Variants in HPSE2 observed in about 807,000 individuals in gnomAD.
HPSE2 encodes the protein heparanase 2 (inactive).
A neutral mutation model predicts 60.5 loss-of-function variants in HPSE2; 38 were observed. The observed-to-expected ratio is 0.63, with a 90% CI of 0.48 to 0.82. HPSE2 has a LOEUF of 0.82. Ranked by LOEUF, HPSE2 falls within the 40% of genes least tolerant of loss-of-function variation. HPSE2 has a pLI of 0.00. For synonymous variants in HPSE2, 295 were observed against 293.2 expected (o/e 1.01, Z -0.06); for missense variants, 713 against 740.4 (o/e 0.96, Z 0.43).
At chr10:99,102,468 T>G (rs1246005994) in intron 3 of HPSE2, among the ~76,000 whole-genome samples, 1 of 151,902 alleles carries the variant, frequency 6.6e-6, no homozygotes, top group Non-Finnish European at 1.5e-5. Context: ...AATAACAGGC[T>G]CTGAAATTGA....
intron 9 of HPSE2, among the ~76,000 whole-genome samples, chr10:98,602,890 T>C (rs1174159255): frequency 1.3e-5 from 2 of 152,080 alleles, no homozygotes; most frequent in Non-Finnish European, 2.9e-5. Flanking sequence ...TTTGTGGCCT[T>C]GAATTGAACA....
At chr10:98,727,677 AAC>A (rs1300996714) in intron 4 of HPSE2, among the ~76,000 whole-genome samples, 6 of 142,398 alleles carry the variant, frequency 4.2e-5, no homozygotes, top group Non-Finnish European at 7.8e-5. Context: ...AAACAACAAC[AAC>A]AAAAAAAAAC....
chr10:98,944,685 AGG>A (rs1830880531), intron 3 of HPSE2, among the ~76,000 whole-genome samples: 1 of 152,196 alleles, frequency 6.6e-6, no homozygotes, highest in South Asian at 2.1e-4. Flanking sequence ...CCATTCCTCA[AGG>A]GACCCACTAA....
intron 5 of HPSE2, among the ~76,000 whole-genome samples, chr10:98,710,165 T>G (rs1246639487): frequency 1.3e-5 from 2 of 152,124 alleles, no homozygotes; most frequent in Non-Finnish European, 2.9e-5. Flanking sequence ...CCACTTACTT[T>G]TTCATGGTTA....
rs544818650 is a variant in HPSE2, at chr10:98,848,682, C to T, written c.611-104626G>A. Among the ~76,000 whole-genome samples the T allele has an allele frequency of 3.9e-5, 6 of 152,248 alleles. No individual in the cohort carries two copies. In the South Asian group the frequency reaches 1.0e-3, roughly 26 times the overall value. ...GAAATGAGTGAAATGAGTGAGAGCG[C>T]CCAGGACCTGAGACAATGGCAGGAA... On this transcript the variant is annotated intron_variant, in intron 3 of 11. Transcript: ENST00000370552.
chr10:99,201,217 T>C (rs1848566284), intron 2 of HPSE2, among the ~76,000 whole-genome samples: 1 of 152,174 alleles, frequency 6.6e-6, no homozygotes, highest in African/African-American at 2.4e-5. Context: ...CAAAGGATAT[T>C]ATCCAGATCA....
the HPSE2 span, among the ~76,000 whole-genome samples, chr10:99,294,402 AAATATAT>A: frequency 2.0e-5 from 3 of 146,722 alleles, no homozygotes; most frequent in Non-Finnish European, 3.0e-5. Context: ...TATAATATAT[AAATATAT>A]AATATATACA....
chr10:98,724,978 G>A (rs1366770048), intron 4 of HPSE2, among the ~76,000 whole-genome samples: 1 of 152,102 alleles, frequency 6.6e-6, no homozygotes, highest in East Asian at 1.9e-4. Flanking sequence ...ACTGCTCAAT[G>A]AAATAAAAGA....
intron 9 of HPSE2, among the ~76,000 whole-genome samples, chr10:98,578,140 T>A (rs3911758): frequency 0.57 from 86,462 of 151,960 alleles, 24,808 homozygotes; most frequent in Middle Eastern, 0.65. Flanking sequence ...TTTCTTCTTG[T>A]CCAGCATCCT....
chr10:98,897,683 T>C (rs1292491894), intron 3 of HPSE2, among the ~76,000 whole-genome samples: 1 of 152,100 alleles, frequency 6.6e-6, no homozygotes, highest in African/African-American at 2.4e-5. Flanking sequence ...TCAGATCTCA[T>C]ACCCTTCACA....
At chr10:99,257,773 A>G in the HPSE2 span, among the ~76,000 whole-genome samples, 1 of 151,994 alleles carries the variant, frequency 6.6e-6, no homozygotes, top group Non-Finnish European at 1.5e-5. Context: ...CCCTTTTGAA[A>G]TCACTAATAA....
chr10:98,484,396 C>T (rs1464371187), intron 10 of HPSE2, among the ~76,000 whole-genome samples: 4 of 152,342 alleles, frequency 2.6e-5, no homozygotes, highest in African/African-American at 7.2e-5. Context: ...CGCCACCACG[C>T]CCAGCTAATT....
At chr10:98,690,179 T>C (rs1391190813) in intron 6 of HPSE2, among the ~76,000 whole-genome samples, 1 of 152,224 alleles carries the variant, frequency 6.6e-6, no homozygotes, top group African/African-American at 2.4e-5. Context: ...TCCTTGACAC[T>C]TCAAGCCAAT....
At chr10:99,253,392 G>A in the HPSE2 span, among the ~76,000 whole-genome samples, 1 of 152,130 alleles carries the variant, frequency 6.6e-6, no homozygotes, top group African/African-American at 2.4e-5. Context: ...ATGGGGAAAG[G>A]ATTCCTTATT....
intron 3 of HPSE2, among the ~76,000 whole-genome samples, chr10:98,889,960 T>C (rs1953286720): frequency 6.6e-6 from 1 of 152,146 alleles, no homozygotes; most frequent in Non-Finnish European, 1.5e-5. Flanking sequence ...AAGGAAAATT[T>C]GGTAAAATAC....
the HPSE2 span, among the ~76,000 whole-genome samples, chr10:99,241,116 C>T: frequency 6.6e-6 from 1 of 152,196 alleles, no homozygotes; most frequent in African/African-American, 2.4e-5. Flanking sequence ...TTAACTTTCT[C>T]ATGGTACACA....
At chr10:99,287,512 G>A in the HPSE2 span, among the ~76,000 whole-genome samples, 30 of 152,232 alleles carry the variant, frequency 2.0e-4, no homozygotes, top group Admixed American at 5.9e-4. Context: ...AGGGTGGCAG[G>A]GGTGTGTGGC....
At chr10:98,465,363 T>G (rs1940481861) in intron 11 of HPSE2, among the ~76,000 whole-genome samples, 1 of 152,164 alleles carries the variant, frequency 6.6e-6, no homozygotes, top group Admixed American at 6.5e-5. Flanking sequence ...CAAATCAAAG[T>G]TTAGAGGGGT....
At chr10:98,927,092 G>A (rs12248949) in intron 3 of HPSE2, among the ~76,000 whole-genome samples, 1 of 145,922 alleles carries the variant, frequency 6.9e-6, no homozygotes, top group African/African-American at 2.7e-5. Context: ...TTGATTTGGG[G>A]TGGAGAGCTC....
Sources: allele counts gnomAD v4.1 joint callset (sites outside exome capture counted in the v4.1 genomes callset), GRCh38; gene constraint gnomAD v4.1.1; transcripts MANE v1.5; gene names NCBI Gene and HGNC (gene_info 2026-07-23, HGNC 2026-07-21).